Variants in KPNA1 observed in about 807,000 individuals in gnomAD.
The protein encoded by KPNA1 is karyopherin subunit alpha 1, also known as importin subunit alpha-5.
Under a neutral mutation model 70.5 loss-of-function variants are expected in KPNA1, and 10 were observed. The observed-to-expected ratio is 0.14, with a 90% CI of 0.09 to 0.24. The LOEUF (loss-of-function observed/expected upper bound fraction) is 0.24, where lower values mean the gene tolerates loss of function less well. KPNA1 is among the 10% of genes least tolerant of loss of function. KPNA1 has a pLI of 1.00. For synonymous variants in KPNA1, 192 were observed against 221.9 expected, an observed-to-expected ratio of 0.87 and a Z score of 1.20; for missense variants, 397 against 637.9, an observed-to-expected ratio of 0.62 and a Z score of 4.07.
At chr3:122,458,062 G>GC (rs1177840963) in intron 5 of KPNA1, among the ~76,000 whole-genome samples, 1 of 152,150 alleles carries the variant, frequency 6.6e-6, no homozygotes, top group Non-Finnish European at 1.5e-5. Context: ...GGGAAACTAA[G>GC]CCAATGTAAT....
At chr3:122,451,781 TAATTCAG>T (rs544429729) in intron 7 of KPNA1, 148 bp from the exon 8 acceptor site, 9 of 701,406 alleles carry the variant, frequency 1.3e-5, no homozygotes, top group Non-Finnish European at 1.7e-5. Flanking sequence ...CTGATGCAAG[TAATTCAG>T]AATTCAGAAT....
intron 2 of KPNA1, among the ~76,000 whole-genome samples, chr3:122,489,176 C>T (rs1270425152): frequency 6.6e-6 from 1 of 151,918 alleles, no homozygotes; most frequent in Non-Finnish European, 1.5e-5. Context: ...TTTTCTTCTG[C>T]AATTTTTAAT....
intron 1 of KPNA1, among the ~76,000 whole-genome samples, chr3:122,501,670 C>T (rs531044760): frequency 6.6e-6 from 1 of 152,276 alleles, no homozygotes; most frequent in Non-Finnish European, 1.5e-5. Context: ...CCAGGATATA[C>T]ATATTTCTAT....
intron 5 of KPNA1, among the ~76,000 whole-genome samples, chr3:122,455,291 A>T (rs981841792): frequency 3.3e-5 from 5 of 152,212 alleles, no homozygotes; most frequent in African/African-American, 1.2e-4. Flanking sequence ...AAAGAAAACT[A>T]TAAAAGTGAC....
rs1010793122 is a variant in KPNA1, at chr3:122,425,718, G to C, written c.*1267C>G. 1 of 152,550 alleles carries C rather than the reference G, an allele frequency of 6.6e-6. No individual in the cohort carries two copies. Among genetic ancestry groups the C allele is most frequent in the African/African-American group, 2.4e-5 (1 of 41,382 alleles). 9.4% of individuals were successfully genotyped at this position (152,550 alleles called of 1,614,324 possible). On this transcript the variant is annotated 3_prime_UTR_variant, in exon 14 of 14. Transcript: ENST00000344337. Reference sequence around the variant, plus strand: ...GGCAGATACTGTTTTTATTTTGTGTGGGGGGAGGGGGAAGCGGCACAGTAC... The same window carrying C: ...GGCAGATACTGTTTTTATTTTGTGTCGGGGGAGGGGGAAGCGGCACAGTAC...
chr3:122,479,306 T>C (rs2076543095), intron 2 of KPNA1, among the ~76,000 whole-genome samples: 1 of 152,092 alleles, frequency 6.6e-6, no homozygotes, highest in Non-Finnish European at 1.5e-5. Context: ...GCAAACTAAA[T>C]GAGATACCAC....
chr3:122,493,331 C>A (rs1387778587), intron 2 of KPNA1, among the ~76,000 whole-genome samples: 5 of 149,270 alleles, frequency 3.3e-5, no homozygotes, highest in African/African-American at 1.2e-4. Flanking sequence ...AGAAATACTA[C>A]CCCACAATGA....
intron 12 of KPNA1, among the ~76,000 whole-genome samples, chr3:122,431,164 CTTT>C (rs1319586413): frequency 2.0e-5 from 3 of 152,088 alleles, no homozygotes; most frequent in African/African-American, 4.8e-5. Flanking sequence ...CTAAAACATT[CTTT>C]TTTATCTTTT....
At chr3:122,429,270 G>C (rs1358167242) in intron 12 of KPNA1, among the ~76,000 whole-genome samples, 2 of 151,922 alleles carry the variant, frequency 1.3e-5, no homozygotes, top group African/African-American at 4.8e-5. Context: ...GGCCCACATG[G>C]TGAAACTCCG....
At chr3:122,502,511 C>A (rs1392998747) in intron 1 of KPNA1, among the ~76,000 whole-genome samples, 3 of 152,188 alleles carry the variant, frequency 2.0e-5, no homozygotes, top group African/African-American at 7.2e-5. Context: ...CTGCTGGCAC[C>A]TTGATCTGGA....
At chr3:122,509,209 G>A (rs2076926468) in intron 1 of KPNA1, among the ~76,000 whole-genome samples, 1 of 150,806 alleles carries the variant, frequency 6.6e-6, no homozygotes, top group African/African-American at 2.4e-5. Flanking sequence ...TCATGCCACT[G>A]CACTCACTTG....
intron 1 of KPNA1, among the ~76,000 whole-genome samples, chr3:122,509,748 T>C (rs914218708): frequency 2.6e-5 from 4 of 152,174 alleles, no homozygotes; most frequent in African/African-American, 9.7e-5. Context: ...GATAAAAATT[T>C]AAAGGACCTT....
chr3:122,496,849 G>A (rs1294476836), intron 1 of KPNA1, among the ~76,000 whole-genome samples: 2 of 152,152 alleles, frequency 1.3e-5, no homozygotes, highest in African/African-American at 4.8e-5. Context: ...GACCACAGGT[G>A]CATGCCACCA....
intron 2 of KPNA1, among the ~76,000 whole-genome samples, chr3:122,472,154 T>C (rs2076450129): frequency 6.6e-6 from 1 of 152,200 alleles, no homozygotes; most frequent in Non-Finnish European, 1.5e-5. Flanking sequence ...TTTACACTCA[T>C]AGGATATTCA....
chr3:122,457,396 A>G (rs1457277577), intron 5 of KPNA1, among the ~76,000 whole-genome samples: 7 of 67,376 alleles, frequency 1.0e-4, no homozygotes, highest in East Asian at 4.3e-4. Context: ...TAACCTGGGA[A>G]AAAAAAAAAT....
chr3:122,433,892 C>T (rs980169335), intron 11 of KPNA1, 104 bp from the exon 12 acceptor site: 17 of 828,464 alleles, frequency 2.1e-5, no homozygotes, highest in Non-Finnish European at 3.1e-5. Flanking sequence ...AACACCCCTT[C>T]TCCTGTCAGA....
chr3:122,431,084 C>G (rs2075899377), intron 12 of KPNA1, among the ~76,000 whole-genome samples: 1 of 152,134 alleles, frequency 6.6e-6, no homozygotes, highest in Admixed American at 6.5e-5. Context: ...AATCCTTATC[C>G]TTCATTAAGA....
rs1420924657 is a variant in KPNA1, at chr3:122,424,747, G to T, written c.*2238C>A. ...AAATTATTTTAACTATCCAATGGAAGGTACATAATTTAAAACATCCTATAG... is the reference window on the plus strand; with the variant it reads ...AAATTATTTTAACTATCCAATGGAATGTACATAATTTAAAACATCCTATAG... On this transcript the variant is annotated 3_prime_UTR_variant, in exon 14 of 14. Transcript: ENST00000344337. The T allele has an allele frequency of 1.3e-5, 2 of 152,410 alleles. No homozygotes were observed. The highest frequency in any genetic ancestry group is 2.9e-5 in the Non-Finnish European group (2 of 68,008). The allele number at this position is 152,410 out of a possible 1,614,324, so 9.4% of individuals were successfully genotyped here.
intron 2 of KPNA1, among the ~76,000 whole-genome samples, chr3:122,491,850 ATTTTTTTTTTT>A (rs67916227): frequency 1.2e-4 from 8 of 64,826 alleles, no homozygotes; most frequent in African/African-American, 2.8e-4. Flanking sequence ...TGACCATCAC[ATTTTTTTTTTT>A]TTTTTTTTTT....
Sources: gnomAD v4.1 joint callset for allele counts (sites outside exome capture counted in the v4.1 genomes callset) on GRCh38, gnomAD v4.1.1 for gene constraint, MANE v1.5 for transcripts, NCBI Gene and HGNC (gene_info 2026-07-23, HGNC 2026-07-21) for gene names.